GLI3: variants seen among roughly 807,000 people sequenced by gnomAD.
GLI3 encodes the protein transcription activator GLI3.
Under a neutral mutation model 100.8 loss-of-function variants are expected in GLI3, and 20 were observed. The observed-to-expected ratio is 0.20, with a 90% CI of 0.14 to 0.29. The LOEUF (loss-of-function observed/expected upper bound fraction) is 0.29, where lower values mean the gene tolerates loss of function less well. Ranked by LOEUF, GLI3 falls within the 10% of genes least tolerant of loss-of-function variation. The probability of loss-of-function intolerance (pLI) is 1.00; values close to 1 mark genes in which losing one functional copy is unlikely to be tolerated. For synonymous variants in GLI3, 938 were observed against 860.5 expected (o/e 1.09, Z -1.58); for missense variants, 2,040 against 2,128.5 (o/e 0.96, Z 0.82).
intron 1 of GLI3, among the ~76,000 whole-genome samples, chr7:42,227,091 T>C (rs1337475416): frequency 6.6e-6 from 1 of 152,230 alleles, no homozygotes; most frequent in Non-Finnish European, 1.5e-5. Context: ...TAAGTTCTGC[T>C]TCACTTCAAA....
At chr7:42,252,318 A>G (rs61262687) in intron 1 of GLI3, among the ~76,000 whole-genome samples, 78,616 of 151,580 alleles carry the variant, frequency 0.52, 20,784 homozygotes, top group East Asian at 0.69. Flanking sequence ...ATAGAGGGGA[A>G]CAACAGACAC....
intron 1 of GLI3, among the ~76,000 whole-genome samples, chr7:42,225,854 C>G (rs1488287735): frequency 8.5e-5 from 13 of 152,172 alleles, no homozygotes; most frequent in Admixed American, 8.5e-4. Context: ...TGAACATCCA[C>G]CTCCCCTTTC....
chr7:42,086,380 T>G (rs934820058), intron 3 of GLI3, among the ~76,000 whole-genome samples: 1 of 152,076 alleles, frequency 6.6e-6, no homozygotes, highest in South Asian at 2.1e-4. Context: ...AATGTCAGAG[T>G]TAAGGCTTTT....
At chr7:42,097,766 C>A (rs1224410782) in intron 3 of GLI3, among the ~76,000 whole-genome samples, 1 of 152,164 alleles carries the variant, frequency 6.6e-6, no homozygotes, top group African/African-American at 2.4e-5. Flanking sequence ...CTTTATGAGC[C>A]TACGTTCCTC....
At chr7:41,986,328 A>AACAAAGGGCTT (rs1787822268) in intron 10 of GLI3, among the ~76,000 whole-genome samples, 1 of 152,162 alleles carries the variant, frequency 6.6e-6, no homozygotes, top group Non-Finnish European at 1.5e-5. Flanking sequence ...AACAAGGTAG[A>AACAAAGGGCTT]TGTTTTATCT....
At chr7:42,067,789 A>G (rs2128749283) in intron 4 of GLI3, among the ~76,000 whole-genome samples, 1 of 152,256 alleles carries the variant, frequency 6.6e-6, no homozygotes, top group East Asian at 1.9e-4. Flanking sequence ...AGCCTTAAAG[A>G]GAATGTCTTC....
intron 1 of GLI3, among the ~76,000 whole-genome samples, chr7:42,230,340 G>A (rs1267687613): frequency 6.6e-6 from 1 of 152,056 alleles, no homozygotes; most frequent in African/African-American, 2.4e-5. Context: ...CTACATTTCT[G>A]ATGCTCCTAA....
chr7:42,010,923 C>G (rs1343434568), intron 10 of GLI3, among the ~76,000 whole-genome samples: 2 of 151,898 alleles, frequency 1.3e-5, no homozygotes, highest in Non-Finnish European at 2.9e-5. Flanking sequence ...CAATAATGTC[C>G]AGGAAGGAGG....
chr7:42,216,136 T>A (rs1355411416), intron 2 of GLI3, among the ~76,000 whole-genome samples: 2 of 152,226 alleles, frequency 1.3e-5, no homozygotes, highest in African/African-American at 4.8e-5. Context: ...GCTCAAACCC[T>A]GGCTTCTAAC....
intron 2 of GLI3, among the ~76,000 whole-genome samples, chr7:42,153,000 C>A (rs376154025): frequency 6.6e-6 from 1 of 152,144 alleles, no homozygotes; most frequent in African/African-American, 2.4e-5. Context: ...CTCAATGGAC[C>A]GAGTGAAACA....
At position 42,045,512 on chromosome 7, in the gene GLI3, C is replaced by T. The variant is rs1182112270; in HGVS notation, c.698G>A (p.Ser233Asn). ...CATCTGATGATAGTATTCTGCTGGG[C>T]TGACTCCTGCATGGGGCGCTAGGAG... The part of the protein sequence containing the change: ...SPTDAPHAGV[S>N]PAEYYHQMAL... Residue 233 changes from serine (S) to asparagine (N), a missense_variant, in exon 6 of 15, where the codon AGC (serine) becomes AAC (asparagine). By Grantham distance (46) the Ser-to-Asn change is conservative (BLOSUM62 1). Transcript: ENST00000395925. 6.2e-7 allele frequency: 1 copy of T among 1,614,066 alleles called. No homozygotes were observed. Among genetic ancestry groups the T allele is most frequent in the Non-Finnish European group, 8.5e-7 (1 of 1,179,980 alleles).
chr7:42,208,611 T>C (rs951789885), intron 2 of GLI3, among the ~76,000 whole-genome samples: 1 of 152,248 alleles, frequency 6.6e-6, no homozygotes, highest in Non-Finnish European at 1.5e-5. Flanking sequence ...TGGTTTTGTT[T>C]CTTTTTTCCA....
At chr7:42,047,649 A>G (rs1050094689) in intron 5 of GLI3, among the ~76,000 whole-genome samples, 2 of 152,252 alleles carry the variant, frequency 1.3e-5, no homozygotes, top group Non-Finnish European at 2.9e-5. Flanking sequence ...CCAGGAGAAT[A>G]CACAGCTCCA....
chr7:42,062,098 T>C (rs1166812054), intron 4 of GLI3, among the ~76,000 whole-genome samples: 1 of 152,154 alleles, frequency 6.6e-6, no homozygotes, highest in Non-Finnish European at 1.5e-5. Context: ...CACAGGACCA[T>C]GGTCTTATCA....
At chr7:42,129,409 A>G (rs1469059365) in intron 3 of GLI3, among the ~76,000 whole-genome samples, 2 of 152,256 alleles carry the variant, frequency 1.3e-5, no homozygotes, top group East Asian at 1.9e-4. Context: ...TGCAAGATGC[A>G]TAGTGGGTAA....
chr7:41,969,945 G>C (rs1787322873), intron 13 of GLI3, among the ~76,000 whole-genome samples: 1 of 152,150 alleles, frequency 6.6e-6, no homozygotes, highest in Admixed American at 6.5e-5. Flanking sequence ...AACCTAGACA[G>C]ATAGAACAAT....
At chr7:42,065,918 C>T (rs766513129) in intron 4 of GLI3, among the ~76,000 whole-genome samples, 5 of 152,178 alleles carry the variant, frequency 3.3e-5, no homozygotes, top group Non-Finnish European at 5.9e-5. Context: ...TGAAGCACTA[C>T]TCTCCTCACT....
chr7:42,051,709 A>C (rs1327241318), intron 4 of GLI3, among the ~76,000 whole-genome samples: 1 of 152,220 alleles, frequency 6.6e-6, no homozygotes, highest in Non-Finnish European at 1.5e-5. Context: ...TTAAATTCAT[A>C]GCAAAATTGA....
In GLI3 at chr7:41,972,428, C is replaced by T; in HGVS notation, c.2012G>A (p.Gly671Glu). The change falls in exon 13 of 15, where the codon GGA becomes GAA. Residue 671 changes from glycine to glutamate, a missense_variant. Around this residue, in one of 5 missense-constraint regions of GLI3, gnomAD observed 327 missense variants for 338.7 expected, o/e 0.97. Coordinates refer to ENST00000395925, the MANE Select transcript of GLI3 (RefSeq NM_000168.6). This position sits in a 1 kb window ranked among gnomAD's most constrained non-coding sequence, Gnocchi z 4.4. ...GAGGTCCTGCTGCTCACCAAGGGCT[C>T]CCTGAGTCGGTCGGCCAGGCGACCT... is the stretch of plus-strand genomic sequence containing the variant. ...QSRSPGRPTQ[G>E]ALGEQQDLSN... 1 of 1,613,766 alleles carries T rather than the reference C, an allele frequency of 6.2e-7. No homozygotes were observed. Among genetic ancestry groups the T allele is most frequent in the South Asian group, 1.1e-5 (1 of 91,070 alleles).
Sources: gnomAD v4.1 joint callset for allele counts (sites outside exome capture counted in the v4.1 genomes callset) on GRCh38, gnomAD v4.1.1 for gene constraint, gnomAD v4.1.1 regional missense constraint, Gnocchi (gnomAD v3.1) non-coding constraint, MANE v1.5 for transcripts, NCBI Gene and HGNC (gene_info 2026-07-23, HGNC 2026-07-21) for gene names.